The following CRELD1 variants were observed in gnomAD, a reference collection of about 807,000 sequenced individuals.
CRELD1 encodes CRELD disulfide isomerase 1.
CRELD1 carries 42 observed loss-of-function variants against 58.2 expected under a neutral mutation model. The observed-to-expected ratio is 0.72, with a 90% CI of 0.56 to 0.93. The LOEUF is 0.93. Among genes scored for constraint, CRELD1 ranks in the 40% least tolerant of loss-of-function variants. The pLI is 0.00. For missense variants in CRELD1, 500 were observed against 540.6 expected, an observed-to-expected ratio of 0.92 and a Z score of 0.74; for synonymous variants, 222 against 202.0, an observed-to-expected ratio of 1.10 and a Z score of -0.84.
At chr3:9,939,622 CAT>C (rs1334028158) in intron 5 of CRELD1, among the ~76,000 whole-genome samples, 3 of 152,208 alleles carry the variant, frequency 2.0e-5, no homozygotes, top group African/African-American at 7.2e-5. Context: ...GGACACAGCA[CAT>C]GTTTCAGAGA....
At chr3:9,942,608 G>C (rs2085399634) in intron 7 of CRELD1, among the ~76,000 whole-genome samples, 1 of 152,178 alleles carries the variant, frequency 6.6e-6, no homozygotes, top group Non-Finnish European at 1.5e-5. Flanking sequence ...CAATCACAGG[G>C]ACACACTTAG....
intron 5 of CRELD1, among the ~76,000 whole-genome samples, chr3:9,939,171 A>G (rs1478472359): frequency 6.6e-6 from 1 of 151,120 alleles, no homozygotes; most frequent in Non-Finnish European, 1.5e-5. Context: ...AAATAAATAA[A>G]TAAATAAATA....
Position 9,938,079 on chromosome 3 carries a change from G to T in CRELD1, c.433G>T (p.Ala145Ser). The T allele has an allele frequency of 6.2e-7, 1 of 1,613,814 alleles. No homozygotes were observed. Residue 145 changes from alanine to serine, a missense_variant, in exon 5 of 11, where the codon GCA becomes TCA. Transcript: ENST00000452070. The stretch of plus-strand genomic sequence containing the variant: ...AGATTCCCTGAAGCTCTGCTGCCCC[G>T]CAGGCACCTTCGGGCCCTCCTGCCT... ...CSDSLKLCCP[A>S]GTFGPSCLPC...
intron 5 of CRELD1, among the ~76,000 whole-genome samples, chr3:9,939,981 C>G (rs1256809704): frequency 2.0e-5 from 3 of 151,694 alleles, no homozygotes; most frequent in Non-Finnish European, 2.9e-5. Flanking sequence ...TCACCTCCCT[C>G]CCGGACGGGC....
At chr3:9,933,960 G>A (rs2085077619) in intron 1 of CRELD1, 40 bp downstream of exon 1, 1 of 339,656 alleles carries the variant, frequency 2.9e-6, no homozygotes, top group Admixed American at 4.7e-5. Context: ...CCGTGCCTTT[G>A]CCCTTCTGCG....
intron 3 of CRELD1, chr3:9,935,704 A>T (rs1252167371): frequency 6.6e-6 from 1 of 152,184 alleles, no homozygotes; most frequent in African/African-American, 2.4e-5. Flanking sequence ...AAAGATGCTT[A>T]CTAGATTTTG....
chr3:9,935,927 T>C (rs1275099527), intron 3 of CRELD1: 1 of 152,120 alleles, frequency 6.6e-6, no homozygotes, highest in Non-Finnish European at 1.5e-5. Context: ...ATATAGTCAG[T>C]ATGTAAAGAA....
At chr3:9,942,554 C>A (rs1206690991) in intron 7 of CRELD1, among the ~76,000 whole-genome samples, 1 of 152,170 alleles carries the variant, frequency 6.6e-6, no homozygotes, top group Non-Finnish European at 1.5e-5. Flanking sequence ...ACCAAGCTAA[C>A]GGTGGAGCTC....
intron 3 of CRELD1, among the ~76,000 whole-genome samples, chr3:9,936,551 G>GTATATA (rs36230194): frequency 2.7e-5 from 4 of 148,472 alleles, no homozygotes; most frequent in Non-Finnish European, 4.5e-5. Context: ...ATATATATGC[G>GTATATA]TATATATATA....
chr3:9,944,831 C>T lies in CRELD1; in HGVS notation c.*252C>T. 1 of 544,702 alleles carries T rather than the reference C, an allele frequency of 1.8e-6. No individual in the cohort carries two copies. Among genetic ancestry groups the T allele is most frequent in the Non-Finnish European group, 3.3e-6 (1 of 301,830 alleles). 33.7% of individuals were successfully genotyped at this position (544,702 alleles called of 1,614,324 possible). Reference sequence around the variant, plus strand: ...GGCAGGCTTCACAATGTGTGAATTTCAAAAGTTTTTCCTTAATGGTGGCTG... The same window carrying T: ...GGCAGGCTTCACAATGTGTGAATTTTAAAAGTTTTTCCTTAATGGTGGCTG... On this transcript the variant is annotated 3_prime_UTR_variant, in exon 11 of 11. Transcript: ENST00000452070.
intron 10 of CRELD1, 34 bp downstream of exon 10, chr3:9,943,549 T>C: frequency 6.2e-7 from 1 of 1,613,702 alleles, no homozygotes; most frequent in Non-Finnish European, 8.5e-7. Context: ...GAGGTCCTCA[T>C]TCAAAGAGAA....
At position 9,944,772 on chromosome 3, in the gene CRELD1, G is replaced by A. The variant is rs2124868657; in HGVS notation, c.*193G>A. On this transcript the variant is annotated 3_prime_UTR_variant, in exon 11 of 11. Coordinates refer to ENST00000452070, the MANE Select transcript of CRELD1 (RefSeq NM_001077415.3). ...CCTGGGGTAAAAAGTAGCCCTGAAG[G>A]TGGATACCATGAGCTCTTCACCTGG... is the stretch of plus-strand genomic sequence containing the variant. 2 of 620,836 alleles carry A rather than the reference G, an allele frequency of 3.2e-6. No homozygotes were observed. The highest frequency in any genetic ancestry group is 5.8e-6 in the Non-Finnish European group (2 of 346,926). 38.5% of individuals were successfully genotyped at this position (620,836 alleles called of 1,614,324 possible).
intron 3 of CRELD1, among the ~76,000 whole-genome samples, chr3:9,936,549 GCGTATA>G (rs1039446070): frequency 4.2e-5 from 5 of 119,114 alleles, no homozygotes; most frequent in African/African-American, 2.6e-4. Context: ...GTATATATAT[GCGTATA>G]TATATATATA....
At chr3:9,941,572 T>C (rs983567485) in intron 7 of CRELD1, among the ~76,000 whole-genome samples, 1 of 151,854 alleles carries the variant, frequency 6.6e-6, no homozygotes, top group African/African-American at 2.4e-5. Flanking sequence ...GGGCAGATCA[T>C]GAGATCAGGA....
chr3:9,942,821 G>A lies in CRELD1; in HGVS notation c.742G>A (p.Glu248Lys), dbSNP rs1191834063. ...TGCTCACCTCTCTGCAGACATTGAT[G>A]AGTGTGGCACAGAGGGAGCCAACTG... ...LHHLKCVDID[E>K]CGTEGANCGA... The change falls in exon 8 of 11, where the codon GAG becomes AAG. Residue 248 changes from glutamate (E) to lysine (K), a missense_variant. Coordinates refer to ENST00000452070, the MANE Select transcript of CRELD1 (RefSeq NM_001077415.3). 4.3e-6 allele frequency: 7 copies of A among 1,613,656 alleles called. No homozygotes were observed. Among genetic ancestry groups the A allele is most frequent in the Non-Finnish European group, 5.1e-6 (6 of 1,179,658 alleles).
intron 3 of CRELD1, among the ~76,000 whole-genome samples, chr3:9,936,645 C>T (rs1475174916): frequency 1.3e-5 from 2 of 151,666 alleles, no homozygotes; most frequent in African/African-American, 4.8e-5. Flanking sequence ...GTTGTGTAAC[C>T]ATCACCACTA....
At chr3:9,937,517 G>T in intron 3 of CRELD1, 45 bp from the exon 4 acceptor site, 1 of 1,292,830 alleles carries the variant, frequency 7.7e-7, no homozygotes, top group Non-Finnish European at 1.1e-6. Flanking sequence ...AGGGTGGTGG[G>T]TGGGGTGGGG....
intron 7 of CRELD1, among the ~76,000 whole-genome samples, 176 bp downstream of exon 7, chr3:9,941,382 T>C (rs2085361787): frequency 2.0e-5 from 3 of 150,744 alleles, no homozygotes; most frequent in African/African-American, 7.3e-5. Flanking sequence ...ACAGGTACTG[T>C]GTAGTATAGT....
At position 9,933,846 on chromosome 3, in the gene CRELD1, C is replaced by G; in HGVS notation, c.-94C>G. ...GTGCGTTTTACGCAGGCTGTGGCAG[C>G]GACGCGGTGAGGAGACGGCCCACGG... is the stretch of plus-strand genomic sequence containing the variant. On this transcript the variant is annotated 5_prime_UTR_variant, in exon 1 of 11. Transcript: ENST00000452070. 1.9e-6 allele frequency: 1 copy of G among 516,134 alleles called. No individual in the cohort carries two copies. Among genetic ancestry groups the G allele is most frequent in the Admixed American group, 3.8e-5 (1 of 26,122 alleles). 32.0% of individuals were successfully genotyped at this position (516,134 alleles called of 1,614,324 possible). A position where few individuals can be genotyped will look rare whatever the true frequency, so the allele number is the denominator to read the frequency against.
Sources: allele counts gnomAD v4.1 joint callset (sites outside exome capture counted in the v4.1 genomes callset), GRCh38; gene constraint gnomAD v4.1.1; transcripts MANE v1.5; gene names NCBI Gene and HGNC (gene_info 2026-07-23, HGNC 2026-07-21).